The following RABGAP1L variants were observed in gnomAD, a reference collection of about 807,000 sequenced individuals.
The protein encoded by RABGAP1L is rab GTPase-activating protein 1-like.
RABGAP1L carries 63 observed loss-of-function variants against 137.7 expected under a neutral mutation model. That is an observed-to-expected ratio of 0.46 (90% CI 0.37 to 0.56). The LOEUF (loss-of-function observed/expected upper bound fraction) is 0.56, where lower values mean the gene tolerates loss of function less well. Ranked by LOEUF, RABGAP1L falls within the 20% of genes least tolerant of loss-of-function variation. The pLI, the probability that RABGAP1L is intolerant of heterozygous loss-of-function variation, is 0.00. For missense variants in RABGAP1L, 1,095 were observed against 1,244.0 expected, an observed-to-expected ratio of 0.88 and a Z score of 1.80; for synonymous variants, 431 against 433.7, an observed-to-expected ratio of 0.99 and a Z score of 0.08.
intron 17 of RABGAP1L, among the ~76,000 whole-genome samples, chr1:174,711,487 C>T (rs747308018): frequency 3.6e-4 from 55 of 152,202 alleles, no homozygotes; most frequent in Admixed American, 7.2e-4. Flanking sequence ...ACCCCGCACT[C>T]GGAGCGGCTG....
intron 13 of RABGAP1L, among the ~76,000 whole-genome samples, chr1:174,559,953 G>A (rs150161272): frequency 1.3e-5 from 2 of 152,264 alleles, no homozygotes; most frequent in Non-Finnish European, 2.9e-5. Context: ...GGCCAACATG[G>A]TGAAACCCTG....
chr1:174,325,027 T>C (rs1208079475), intron 11 of RABGAP1L, among the ~76,000 whole-genome samples: 1 of 152,166 alleles, frequency 6.6e-6, no homozygotes, highest in Non-Finnish European at 1.5e-5. Flanking sequence ...AGAGATTAGA[T>C]TGAGAATACT....
intron 1 of RABGAP1L, among the ~76,000 whole-genome samples, chr1:174,189,474 C>T (rs1412200263): frequency 1.3e-5 from 2 of 152,204 alleles, no homozygotes; most frequent in Non-Finnish European, 2.9e-5. Flanking sequence ...ATGGAGATGG[C>T]TTTTCTTTAA....
intron 19 of RABGAP1L, among the ~76,000 whole-genome samples, chr1:174,860,791 T>G (rs1312393255): frequency 6.6e-6 from 1 of 152,170 alleles, no homozygotes; most frequent in East Asian, 1.9e-4. Context: ...TTCCCAACCT[T>G]ATTGAGATAT....
chr1:174,723,471 G>GT (rs1168513859), intron 17 of RABGAP1L, among the ~76,000 whole-genome samples: 2 of 152,166 alleles, frequency 1.3e-5, no homozygotes, highest in South Asian at 2.1e-4. Context: ...AGATAAGGTC[G>GT]TAAGAACAGG....
At chr1:174,812,102 T>C (rs935765620) in intron 19 of RABGAP1L, 142 bp downstream of exon 19, 5 of 789,340 alleles carry the variant, frequency 6.3e-6, no homozygotes, top group Non-Finnish European at 8.9e-6. Context: ...CTCCCAGATG[T>C]GTTTGTCAGG....
intron 7 of RABGAP1L, among the ~76,000 whole-genome samples, chr1:174,259,051 A>C (rs865925296): frequency 3.3e-5 from 5 of 150,430 alleles, no homozygotes; most frequent in Admixed American, 6.6e-5. Context: ...AGCCTCCCAA[A>C]GTGCTGGGAT....
chr1:174,603,721 C>T (rs6671824), intron 13 of RABGAP1L, among the ~76,000 whole-genome samples: 88,137 of 151,682 alleles, frequency 0.58, 27,927 homozygotes, highest in African/African-American at 0.85. Context: ...CAGCAACTAC[C>T]GCCTGGTTAC....
intron 17 of RABGAP1L, among the ~76,000 whole-genome samples, chr1:174,722,711 A>G (rs1681670068): frequency 6.6e-6 from 1 of 151,754 alleles, no homozygotes; most frequent in Non-Finnish European, 1.5e-5. Flanking sequence ...TCAGCCTCCC[A>G]AAGTACTGGG....
At chr1:174,206,374 G>C (rs1039781482) in intron 1 of RABGAP1L, among the ~76,000 whole-genome samples, 5 of 152,122 alleles carry the variant, frequency 3.3e-5, no homozygotes, top group Admixed American at 6.5e-5. Context: ...AGACTGTTTA[G>C]TAAACAAAAG....
chr1:174,483,423 A>C (rs1432781548), intron 13 of RABGAP1L, among the ~76,000 whole-genome samples: 3 of 152,196 alleles, frequency 2.0e-5, no homozygotes, highest in African/African-American at 7.2e-5. Context: ...TTCACTTAAC[A>C]TAGTGACTTC....
chr1:174,874,212 A>G (rs1173934271), intron 19 of RABGAP1L, among the ~76,000 whole-genome samples: 2 of 148,764 alleles, frequency 1.3e-5, no homozygotes, highest in East Asian at 3.9e-4. Flanking sequence ...GTTCTATCAA[A>G]TAAACCTATT....
At chr1:174,628,871 C>T (rs1303189901) in intron 13 of RABGAP1L, among the ~76,000 whole-genome samples, 1 of 152,106 alleles carries the variant, frequency 6.6e-6, no homozygotes, top group Non-Finnish European at 1.5e-5. Flanking sequence ...GGAATCTTCT[C>T]AGAAAATGAA....
At chr1:174,819,450 C>A (rs548026448) in intron 19 of RABGAP1L, among the ~76,000 whole-genome samples, 1 of 152,120 alleles carries the variant, frequency 6.6e-6, no homozygotes, top group Admixed American at 6.5e-5. Flanking sequence ...CACATATGCT[C>A]TCAGAGCTCA....
chr1:174,973,751 G>GA (rs201838060), intron 21 of RABGAP1L, among the ~76,000 whole-genome samples: 45 of 148,066 alleles, frequency 3.0e-4, no homozygotes, highest in Middle Eastern at 3.4e-3. Flanking sequence ...AGACCAAACT[G>GA]AAAAAAAAAC....
chr1:174,550,997 C>CATATATATATATATATATATAT lies in RABGAP1L; in HGVS notation c.1711-86377_1711-86376insTATATATATATATATATATATA, dbSNP rs1252681895. ...ATGTATATATACATATATATATATA[C>CATATATATATATATATATATAT]ACATATATATATATATATATATATA... On this transcript the variant is annotated intron_variant, in intron 13 of 25. Coordinates refer to ENST00000681986, the MANE Select transcript of RABGAP1L (RefSeq NM_001366446.1). 9.8e-5 allele frequency among the ~76,000 whole-genome samples: 9 copies of CATATATATATATATATATATAT among 92,172 alleles called. 1 individual carries two copies. In the South Asian group the frequency reaches 1.8e-3, roughly 18 times the overall value. 60.5% of individuals were successfully genotyped at this position (92,172 alleles called of 152,430 possible). A position where few individuals can be genotyped will look rare whatever the true frequency, so the allele number is the denominator to read the frequency against.
At chr1:174,334,178 C>T (rs1681275506) in intron 11 of RABGAP1L, among the ~76,000 whole-genome samples, 1 of 152,310 alleles carries the variant, frequency 6.6e-6, no homozygotes, top group South Asian at 2.1e-4. Flanking sequence ...ATCTGTGCTC[C>T]AGGAAATGAC....
At chr1:174,318,085 A>G (rs1369762275) in intron 11 of RABGAP1L, among the ~76,000 whole-genome samples, 2 of 151,962 alleles carry the variant, frequency 1.3e-5, no homozygotes, top group South Asian at 2.1e-4. Context: ...TCTTTCAGCA[A>G]TAAGAAGTTA....
At chr1:174,195,562 G>C (rs572642545) in intron 1 of RABGAP1L, among the ~76,000 whole-genome samples, 17 of 140,822 alleles carry the variant, frequency 1.2e-4, no homozygotes, top group Admixed American at 2.8e-4. Flanking sequence ...CTTTGGGTAG[G>C]GTTCTTAATC....
Sources: allele counts gnomAD v4.1 joint callset (sites outside exome capture counted in the v4.1 genomes callset), GRCh38; gene constraint gnomAD v4.1.1; transcripts MANE v1.5; gene names NCBI Gene and HGNC (gene_info 2026-07-23, HGNC 2026-07-21).